Variants in MGAT5 observed in about 807,000 individuals in gnomAD.
MGAT5 encodes alpha-1,6-mannosylglycoprotein 6-beta-N-acetylglucosaminyltransferase.
A neutral mutation model predicts 94.3 loss-of-function variants in MGAT5; 30 were observed. The ratio of observed to expected loss-of-function variants is 0.32; its 90% confidence interval spans 0.24 to 0.43. MGAT5 has a LOEUF of 0.43. MGAT5 is among the 20% of genes least tolerant of loss of function. The pLI is 1.00. For missense variants in MGAT5, 691 were observed against 905.5 expected, an observed-to-expected ratio of 0.76 and a Z score of 3.04; for synonymous variants, 310 against 322.9, an observed-to-expected ratio of 0.96 and a Z score of 0.43.
chr2:134,300,120 A>G (rs1393806574), intron 2 of MGAT5, among the ~76,000 whole-genome samples: 1 of 152,190 alleles, frequency 6.6e-6, no homozygotes, highest in East Asian at 1.9e-4. Context: ...TAACTTTTGC[A>G]AGAAGCAACC....
At chr2:134,326,167 A>G (rs1013097413) in intron 4 of MGAT5, among the ~76,000 whole-genome samples, 2 of 151,540 alleles carry the variant, frequency 1.3e-5, no homozygotes, top group Non-Finnish European at 2.9e-5. Context: ...GTGACTCTTC[A>G]TCAGGTATGT....
intron 1 of MGAT5, among the ~76,000 whole-genome samples, chr2:134,159,427 C>T (rs897075668): frequency 6.6e-6 from 1 of 152,128 alleles, no homozygotes; most frequent in Non-Finnish European, 1.5e-5. Flanking sequence ...GTGCTTTATA[C>T]CAGTCCAAAG....
chr2:134,277,528 G>A (rs1156642484), intron 2 of MGAT5, among the ~76,000 whole-genome samples: 5 of 152,122 alleles, frequency 3.3e-5, no homozygotes, highest in Non-Finnish European at 1.5e-5. Context: ...GAGGGAAACT[G>A]CCCCCATAAT....
chr2:134,228,317 T>C (rs1681171096), intron 1 of MGAT5, among the ~76,000 whole-genome samples: 1 of 152,218 alleles, frequency 6.6e-6, no homozygotes. Context: ...CTTAAATGCT[T>C]AGAGTCTGCC....
chr2:134,426,957 A>C (rs1054551638), intron 13 of MGAT5, among the ~76,000 whole-genome samples: 1 of 152,198 alleles, frequency 6.6e-6, no homozygotes, highest in South Asian at 2.1e-4. Flanking sequence ...CTATTCTGAC[A>C]GCTGTAGGCC....
At chr2:134,311,809 C>G (rs1344240845) in intron 2 of MGAT5, among the ~76,000 whole-genome samples, 1 of 152,138 alleles carries the variant, frequency 6.6e-6, no homozygotes, top group African/African-American at 2.4e-5. Flanking sequence ...GTTGGTGATA[C>G]TTAAAAAGAA....
intron 10 of MGAT5, among the ~76,000 whole-genome samples, chr2:134,381,516 CAGA>C (rs1452350669): frequency 3.8e-4 from 30 of 79,108 alleles, no homozygotes; most frequent in Non-Finnish European, 5.9e-4. Context: ...ACAGACCAGA[CAGA>C]CAGACAGACA....
At chr2:134,124,761 G>C (rs1685765623) in intron 1 of MGAT5, among the ~76,000 whole-genome samples, 1 of 152,130 alleles carries the variant, frequency 6.6e-6, no homozygotes, top group African/African-American at 2.4e-5. Context: ...CTTGCAATAG[G>C]TTTACTTTTT....
chr2:134,127,264 C>T (rs1573703743), intron 1 of MGAT5: 2 of 154,668 alleles, frequency 1.3e-5, no homozygotes, highest in Admixed American at 6.5e-5. Context: ...TGATTGCCTT[C>T]CCTCTGTAAA....
intron 2 of MGAT5, among the ~76,000 whole-genome samples, chr2:134,273,702 A>G (rs768990269): frequency 2.0e-5 from 3 of 151,952 alleles, no homozygotes; most frequent in East Asian, 3.9e-4. Flanking sequence ...TTTATCCAGT[A>G]TGGCTTATCT....
At chr2:134,346,115 C>A (rs1007536014) in intron 8 of MGAT5, among the ~76,000 whole-genome samples, 3 of 151,942 alleles carry the variant, frequency 2.0e-5, no homozygotes, top group African/African-American at 7.3e-5. Flanking sequence ...AAATCTTGAC[C>A]CAAGTAGAGC....
chr2:134,302,617 T>A (rs544636078), intron 2 of MGAT5, among the ~76,000 whole-genome samples: 1 of 152,082 alleles, frequency 6.6e-6, no homozygotes, highest in Non-Finnish European at 1.5e-5. Context: ...TATTCATTTA[T>A]CTTAAAAAGG....
intron 10 of MGAT5, among the ~76,000 whole-genome samples, chr2:134,374,918 G>A (rs1681065079): frequency 6.6e-6 from 1 of 152,202 alleles, no homozygotes. Context: ...GCTTCAGTCT[G>A]GGAGGTCAAG....
At chr2:134,439,479 C>T (rs1470285744) in intron 14 of MGAT5, among the ~76,000 whole-genome samples, 2 of 152,284 alleles carry the variant, frequency 1.3e-5, no homozygotes, top group East Asian at 3.9e-4. Context: ...GGCAGATCAC[C>T]TGAGGTCAGG....
At chr2:134,342,717 C>CA (rs1161423596) in intron 7 of MGAT5, among the ~76,000 whole-genome samples, 4 of 21,304 alleles carry the variant, frequency 1.9e-4, no homozygotes, top group African/African-American at 5.9e-4. Context: ...AAGTCTCTGT[C>CA]TTAAAAAAAA....
intron 1 of MGAT5, among the ~76,000 whole-genome samples, chr2:134,197,785 C>T (rs576604711): frequency 1.3e-5 from 2 of 152,316 alleles, no homozygotes; most frequent in East Asian, 3.9e-4. Context: ...GGGGGCTGGG[C>T]TCCTTCCTTC....
At chr2:134,132,116 G>A (rs2104917200) in intron 1 of MGAT5, among the ~76,000 whole-genome samples, 1 of 152,344 alleles carries the variant, frequency 6.6e-6, no homozygotes, top group South Asian at 2.1e-4. Flanking sequence ...TCAGATGTTT[G>A]AATAGTGTAG....
chr2:134,170,370 C>T (rs1688147171), intron 1 of MGAT5, among the ~76,000 whole-genome samples: 1 of 152,186 alleles, frequency 6.6e-6, no homozygotes, highest in African/African-American at 2.4e-5. Context: ...ACTGTCCATC[C>T]TTTAGTAAAC....
At chr2:134,122,594 G>C (rs1685665518) in intron 1 of MGAT5, among the ~76,000 whole-genome samples, 1 of 152,208 alleles carries the variant, frequency 6.6e-6, no homozygotes, top group South Asian at 2.1e-4. Flanking sequence ...CCTTTGTAGG[G>C]GCTGGGAGAA....
Sources: gnomAD v4.1 joint callset for allele counts (sites outside exome capture counted in the v4.1 genomes callset) on GRCh38, gnomAD v4.1.1 for gene constraint, MANE v1.5 for transcripts, NCBI Gene and HGNC (gene_info 2026-07-23, HGNC 2026-07-21) for gene names.